DTWD2: variants seen among roughly 807,000 people sequenced by gnomAD.
The protein encoded by DTWD2 is tRNA-uridine aminocarboxypropyltransferase 2.
DTWD2 carries 39 observed loss-of-function variants against 31.8 expected under a neutral mutation model. The ratio of observed to expected loss-of-function variants is 1.22; its 90% confidence interval spans 0.95 to 1.60. The LOEUF is 1.60. Among genes scored for constraint, DTWD2 ranks in the 40% most tolerant of loss-of-function variants. DTWD2 has a pLI of 0.00. For synonymous variants in DTWD2, 180 were observed against 142.8 expected, an observed-to-expected ratio of 1.26 and a Z score of -1.86; for missense variants, 515 against 381.5, an observed-to-expected ratio of 1.35 and a Z score of -2.92.
intron 2 of DTWD2, among the ~76,000 whole-genome samples, chr5:118,939,647 G>C (rs1005231710): frequency 6.6e-5 from 10 of 152,170 alleles, no homozygotes; most frequent in African/African-American, 2.4e-4. Flanking sequence ...CACTATGCCA[G>C]CTTGAAGATA....
At chr5:118,841,493 G>C (rs894912096) in intron 5 of DTWD2, among the ~76,000 whole-genome samples, 2 of 152,166 alleles carry the variant, frequency 1.3e-5, no homozygotes, top group Middle Eastern at 3.2e-3. Context: ...ATTAATGCAA[G>C]CTTACTGACA....
At chr5:118,894,779 T>C (rs1319251078) in intron 4 of DTWD2, among the ~76,000 whole-genome samples, 2 of 152,068 alleles carry the variant, frequency 1.3e-5, no homozygotes, top group Admixed American at 1.3e-4. Flanking sequence ...TTTCAACAGA[T>C]GCTAAAAAAG....
intron 4 of DTWD2, among the ~76,000 whole-genome samples, chr5:118,897,112 G>A (rs1753100791): frequency 6.6e-6 from 1 of 152,184 alleles, no homozygotes; most frequent in Non-Finnish European, 1.5e-5. Context: ...GGGACTCACA[G>A]AACTCAGTAT....
At chr5:118,936,816 T>C (rs1754056302) in intron 3 of DTWD2, among the ~76,000 whole-genome samples, 1 of 151,452 alleles carries the variant, frequency 6.6e-6, no homozygotes, top group Admixed American at 6.6e-5. Flanking sequence ...CAAAGCCAAA[T>C]CTTGATTCTT....
intron 4 of DTWD2, among the ~76,000 whole-genome samples, chr5:118,869,439 G>A (rs1404459029): frequency 6.6e-6 from 1 of 152,030 alleles, no homozygotes; most frequent in Non-Finnish European, 1.5e-5. Context: ...CAATCTTTAG[G>A]ATAATTAAAC....
intron 1 of DTWD2, among the ~76,000 whole-genome samples, chr5:118,950,189 G>C (rs570912009): frequency 6.9e-6 from 1 of 144,884 alleles, no homozygotes; most frequent in African/African-American, 2.6e-5. Flanking sequence ...CTCCAGCCTC[G>C]GTGACAGAGT....
At chr5:118,942,747 C>T (rs931894858) in intron 2 of DTWD2, among the ~76,000 whole-genome samples, 6 of 152,036 alleles carry the variant, frequency 3.9e-5, no homozygotes, top group African/African-American at 1.4e-4. Context: ...TGAAAAGGCA[C>T]CATACTGTGT....
intron 4 of DTWD2, among the ~76,000 whole-genome samples, chr5:118,919,590 G>A (rs2149574594): frequency 6.6e-6 from 1 of 152,266 alleles, no homozygotes; most frequent in African/African-American, 2.4e-5. Context: ...AATATTCACA[G>A]ACTATTGTTT....
intron 4 of DTWD2, among the ~76,000 whole-genome samples, chr5:118,885,995 A>C (rs544517875): frequency 1.2e-3 from 190 of 152,170 alleles, no homozygotes; most frequent in African/African-American, 4.4e-3. Context: ...ACACACAAAA[A>C]AACTTTCCTA....
chr5:118,855,477 T>C (rs1752109195), intron 4 of DTWD2, among the ~76,000 whole-genome samples: 1 of 151,988 alleles, frequency 6.6e-6, no homozygotes, highest in South Asian at 2.1e-4. Flanking sequence ...TGTTTGATAA[T>C]ACTGCATATA....
At chr5:118,955,283 T>C (rs1754559625) in intron 1 of DTWD2, among the ~76,000 whole-genome samples, 1 of 152,224 alleles carries the variant, frequency 6.6e-6, no homozygotes, top group South Asian at 2.1e-4. Flanking sequence ...ACTAGCTTTA[T>C]ATTTAGCAAG....
intron 4 of DTWD2, among the ~76,000 whole-genome samples, chr5:118,895,512 C>T (rs751774554): frequency 5.3e-5 from 8 of 152,114 alleles, no homozygotes; most frequent in Non-Finnish European, 7.4e-5. Flanking sequence ...AAAAGGAAAT[C>T]CTGCAATTCA....
chr5:118,863,873 G>A (rs900842434), intron 4 of DTWD2, among the ~76,000 whole-genome samples: 4 of 151,750 alleles, frequency 2.6e-5, no homozygotes, highest in East Asian at 1.9e-4. Context: ...TACACAACAC[G>A]CCCAAAGCCA....
intron 1 of DTWD2, among the ~76,000 whole-genome samples, chr5:118,955,838 T>C (rs1018700384): frequency 3.9e-5 from 6 of 152,094 alleles, no homozygotes; most frequent in Non-Finnish European, 8.8e-5. Context: ...TGAACTATTA[T>C]ACTTGACAGG....
At chr5:118,936,448 C>A (rs758935462) in intron 3 of DTWD2, among the ~76,000 whole-genome samples, 1 of 151,650 alleles carries the variant, frequency 6.6e-6, no homozygotes, top group East Asian at 1.9e-4. Context: ...GTACTTCAAG[C>A]CTGGAAAACA....
rs895504822 is a variant in DTWD2, at chr5:118,959,956, A to T, written c.219-15307T>A. Among the ~76,000 whole-genome samples the T allele has an allele frequency of 2.6e-4, 40 of 152,370 alleles. No individual in the cohort carries two copies. The South Asian group carries it at 4.3e-3, about 17-fold the overall frequency. On this transcript the variant is annotated intron_variant, in intron 1 of 5. Coordinates refer to ENST00000510708, the MANE Select transcript of DTWD2 (RefSeq NM_173666.4). The stretch of plus-strand genomic sequence containing the variant: ...TATAAAAGTCAATCAAGATGGATTA[A>T]AAACTTCAATGTAAAACCTAAAACT...
chr5:118,926,382 G>T (rs1202064242), intron 4 of DTWD2, among the ~76,000 whole-genome samples: 1 of 152,040 alleles, frequency 6.6e-6, no homozygotes, highest in Non-Finnish European at 1.5e-5. Flanking sequence ...ATAAATTTTG[G>T]GGACTCTGGG....
chr5:118,932,676 AT>A (rs912776445), intron 3 of DTWD2, among the ~76,000 whole-genome samples: 2 of 152,188 alleles, frequency 1.3e-5, no homozygotes, highest in African/African-American at 4.8e-5. Context: ...AAAAGAAGAG[AT>A]GGCAGGGGCA....
intron 3 of DTWD2, 25 bp from the exon 4 acceptor site, chr5:118,928,754 T>C (rs1377124868): frequency 2.7e-6 from 4 of 1,486,100 alleles, no homozygotes; most frequent in Non-Finnish European, 3.6e-6. Flanking sequence ...TAAAAATATA[T>C]CTTTATTAGC....
Sources: gnomAD v4.1 joint callset for allele counts (sites outside exome capture counted in the v4.1 genomes callset) on GRCh38, gnomAD v4.1.1 for gene constraint, MANE v1.5 for transcripts, NCBI Gene and HGNC (gene_info 2026-07-23, HGNC 2026-07-21) for gene names.